Variants in JPH3 observed in about 807,000 individuals in gnomAD.
JPH3 encodes the protein junctophilin 3.
In JPH3, 11 loss-of-function variants were observed where a neutral mutation model predicts 59.6. That is an observed-to-expected ratio of 0.18 (90% CI 0.12 to 0.31). The LOEUF (loss-of-function observed/expected upper bound fraction) is 0.31, where lower values mean the gene tolerates loss of function less well. Among genes scored for constraint, JPH3 ranks in the 10% least tolerant of loss-of-function variants. The pLI is 1.00. For missense variants in JPH3, 1,202 were observed against 1,105.7 expected, an observed-to-expected ratio of 1.09 and a Z score of -1.24; for synonymous variants, 673 against 483.6, an observed-to-expected ratio of 1.39 and a Z score of -5.14.
chr16:87,689,821 C>A lies in JPH3; in HGVS notation c.1461C>A (p.Thr487=). 2 of 1,564,882 alleles carry A rather than the reference C, an allele frequency of 1.3e-6. No individual in the cohort carries two copies. The highest frequency in any genetic ancestry group is 1.7e-6 in the Non-Finnish European group (2 of 1,156,700). The change falls in exon 4 of 5, where the codon ACC becomes ACA. Residue 487 remains threonine, a synonymous_variant. Transcript: ENST00000284262. ...GCTTCCCCACCAGCCCCGCGGCCAC[C>A]CCGCCGCCCGCGCCCGCCGCCAGGA... ...LQSFPTSPAA[T]PPPAPAARNK... is the part of the protein sequence containing the mutation.
At position 87,644,147 on chromosome 16, in the gene JPH3, A is replaced by G. The variant is rs904621947; in HGVS notation, c.383-111A>G. On this transcript the variant is annotated intron_variant, in intron 1 of 4. Transcript: ENST00000284262. ...AGCGAGAACCTGTCTCAAAAAACAC[A>G]AAACAACAGGAAGCTCAGACAGGAC... 6.6e-6 allele frequency: 8 copies of G among 1,211,950 alleles called. No homozygotes were observed. The African/African-American group carries it at 1.2e-4, about 18-fold the overall frequency. 75.1% of individuals were successfully genotyped at this position (1,211,950 alleles called of 1,614,324 possible).
Position 87,697,751 on chromosome 16 carries a change from CTG to C in JPH3, c.*1093_*1094del, listed in dbSNP as rs1386127362. On this transcript the variant is annotated 3_prime_UTR_variant, in exon 5 of 5. Transcript: ENST00000284262. The stretch of plus-strand genomic sequence containing the variant: ...CAGTGGCTTGAAACTTCCTGAGAAA[CTG>C]TAGCATATCCAGCCCCCTAAAATGT... The C allele has an allele frequency of 1.3e-5, 2 of 152,266 alleles. No homozygotes were observed. Among genetic ancestry groups the C allele is most frequent in the South Asian group, 2.1e-4 (1 of 4,838 alleles). 9.4% of individuals were successfully genotyped at this position (152,266 alleles called of 1,614,324 possible).
At chr16:87,675,594 G>A (rs2033124424) in intron 2 of JPH3, among the ~76,000 whole-genome samples, 3 of 152,236 alleles carry the variant, frequency 2.0e-5, no homozygotes, top group Admixed American at 2.0e-4. Context: ...GTCTGGGGCT[G>A]TGTTTTCCAC....
rs892162361 is a variant in JPH3, at chr16:87,602,566, C to T, written c.-581C>T. 7.1e-6 allele frequency among the ~76,000 whole-genome samples: 1 copy of T among 139,952 alleles called. No homozygotes were observed. The highest frequency in any genetic ancestry group is 1.6e-5 in the Non-Finnish European group (1 of 63,636). 91.8% of individuals were successfully genotyped at this position (139,952 alleles called of 152,430 possible). A position where few individuals can be genotyped will look rare whatever the true frequency, so the allele number is the denominator to read the frequency against. ...CGCCGCCACCGCCGCCGCCGCCGCC[C>T]GAGCCGCCGCATTGCTGCTGCTGCT... On this transcript the variant is annotated 5_prime_UTR_variant, in exon 1 of 5. Transcript: ENST00000284262.
Position 87,689,677 on chromosome 16 carries a change from C to A in JPH3, c.1317C>A (p.Thr439=). 1 of 1,612,378 alleles carries A rather than the reference C, an allele frequency of 6.2e-7. No homozygotes were observed. ...GLEYQRPKRQ[T]SCDDIEVLST... is the part of the protein sequence containing the mutation. Reference sequence around the variant, plus strand: ...AGTACCAGAGGCCGAAGCGTCAGACCTCCTGTGACGACATCGAGGTGCTGT... The same window carrying A: ...AGTACCAGAGGCCGAAGCGTCAGACATCCTGTGACGACATCGAGGTGCTGT... The change falls in exon 4 of 5, where the codon ACC becomes ACA. Residue 439 remains threonine (T), a synonymous_variant. Coordinates refer to ENST00000284262, the MANE Select transcript of JPH3 (RefSeq NM_020655.4).
chr16:87,689,580 G>T lies in JPH3; in HGVS notation c.1286-66G>T. The T allele has an allele frequency of 2.0e-6, 3 of 1,535,518 alleles. No homozygotes were observed. The South Asian group carries it at 3.6e-5, about 18-fold the overall frequency. ...GTTCCCTCTGGCGCCCTGGCCCGGG[G>T]ACCGCGGCCTCGCTGTGGAATGTGC... On this transcript the variant is annotated intron_variant, in intron 3 of 4. Coordinates refer to ENST00000284262, the MANE Select transcript of JPH3 (RefSeq NM_020655.4).
At chr16:87,648,841 C>T (rs1259114582) in intron 2 of JPH3, among the ~76,000 whole-genome samples, 2 of 152,306 alleles carry the variant, frequency 1.3e-5, no homozygotes, top group East Asian at 3.9e-4. Context: ...AGGCCCCACG[C>T]CCCAGACTTT....
intron 1 of JPH3, among the ~76,000 whole-genome samples, chr16:87,631,483 C>T (rs1597247357): frequency 6.6e-6 from 1 of 152,152 alleles, no homozygotes; most frequent in East Asian, 1.9e-4. Flanking sequence ...CTCAGTCCTT[C>T]ATTTGTGATC....
chr16:87,671,343 C>T (rs1308273146), intron 2 of JPH3, among the ~76,000 whole-genome samples: 2 of 152,326 alleles, frequency 1.3e-5, no homozygotes, highest in African/African-American at 2.4e-5. Context: ...CCCTCTGACC[C>T]GTCAGGGGCC....
At chr16:87,638,018 C>G (rs1481711074) in intron 1 of JPH3, among the ~76,000 whole-genome samples, 1 of 152,076 alleles carries the variant, frequency 6.6e-6, no homozygotes, top group Non-Finnish European at 1.5e-5. Context: ...CTCCTGGGTT[C>G]AAGCAATTCT....
At chr16:87,650,527 G>A (rs1456239095) in intron 2 of JPH3, among the ~76,000 whole-genome samples, 1 of 152,234 alleles carries the variant, frequency 6.6e-6, no homozygotes, top group Non-Finnish European at 1.5e-5. Flanking sequence ...ATAAAGCGTA[G>A]AGAGGAAGGT....
chr16:87,631,122 A>G (rs1354466129), intron 1 of JPH3, among the ~76,000 whole-genome samples: 1 of 152,198 alleles, frequency 6.6e-6, no homozygotes, highest in Non-Finnish European at 1.5e-5. Context: ...AACCTGCCAG[A>G]TTCAGTAATA....
chr16:87,635,461 C>T (rs533011375), intron 1 of JPH3, among the ~76,000 whole-genome samples: 2 of 152,290 alleles, frequency 1.3e-5, no homozygotes, highest in Admixed American at 1.3e-4. Flanking sequence ...CCCACAAGGC[C>T]GGCTGAGGGG....
At chr16:87,626,578 C>T (rs1347718472) in intron 1 of JPH3, among the ~76,000 whole-genome samples, 1 of 152,268 alleles carries the variant, frequency 6.6e-6, no homozygotes, top group Non-Finnish European at 1.5e-5. Context: ...CCTGCCTGAG[C>T]CCGGTGCTCC....
At chr16:87,669,591 C>G (rs952786173) in intron 2 of JPH3, among the ~76,000 whole-genome samples, 2 of 152,122 alleles carry the variant, frequency 1.3e-5, no homozygotes, top group Non-Finnish European at 2.9e-5. Context: ...GTCAGTGGCC[C>G]GCGGTGAGAG....
intron 2 of JPH3, chr16:87,654,909 C>A (rs2032442963): frequency 6.6e-6 from 1 of 152,276 alleles, no homozygotes; most frequent in Non-Finnish European, 1.5e-5. Flanking sequence ...CACCTGGTGG[C>A]CTTCGACAAG....
At chr16:87,695,626 C>T (rs956282533) in intron 4 of JPH3, 26 of 455,908 alleles carry the variant, frequency 5.7e-5, no homozygotes, top group Admixed American at 1.4e-4. Flanking sequence ...CTGGGGCCAC[C>T]GTCCAGGAGG....
chr16:87,662,851 C>A (rs1039474000), intron 2 of JPH3, among the ~76,000 whole-genome samples: 3 of 152,232 alleles, frequency 2.0e-5, no homozygotes, highest in African/African-American at 7.2e-5. Flanking sequence ...TGGGATGGCC[C>A]TCCCTACCTG....
intron 2 of JPH3, among the ~76,000 whole-genome samples, chr16:87,652,115 C>T (rs924380534): frequency 1.3e-5 from 2 of 152,154 alleles, no homozygotes; most frequent in Non-Finnish European, 2.9e-5. Flanking sequence ...GCTGGGACTA[C>T]AGGCGCCCAC....
Sources: gnomAD v4.1 joint callset for allele counts (sites outside exome capture counted in the v4.1 genomes callset) on GRCh38, gnomAD v4.1.1 for gene constraint, MANE v1.5 for transcripts, NCBI Gene and HGNC (gene_info 2026-07-23, HGNC 2026-07-21) for gene names.